Variants in FHOD3 observed in about 807,000 individuals in gnomAD.
FHOD3 encodes the protein formin homology 2 domain containing 3.
In FHOD3, 90 loss-of-function variants were observed where a neutral mutation model predicts 173.0. The ratio of observed to expected loss-of-function variants is 0.52; its 90% CI spans 0.44 to 0.62. The LOEUF (loss-of-function observed/expected upper bound fraction) is 0.62. FHOD3 is among the 20% of genes least tolerant of loss of function. The probability of loss-of-function intolerance (pLI) is 0.00; values close to 1 mark genes in which losing one functional copy is unlikely to be tolerated. For missense variants in FHOD3, 1,945 were observed against 2,034.7 expected (o/e 0.96, Z 0.85); for synonymous variants, 828 against 823.0 (o/e 1.01, Z -0.10).
chr18:36,576,623 C>A (rs1030422807), intron 6 of FHOD3, 78 bp downstream of exon 6: 8 of 1,138,452 alleles, frequency 7.0e-6, no homozygotes, highest in African/African-American at 1.6e-5. Context: ...GTCAGTTTTG[C>A]AGAAAGAAAT....
At chr18:36,638,258 C>T (rs1568531799) in intron 10 of FHOD3, among the ~76,000 whole-genome samples, 1 of 152,266 alleles carries the variant, frequency 6.6e-6, no homozygotes, top group South Asian at 2.1e-4. Context: ...GCTCCCCAGG[C>T]CAAGGGCATG....
chr18:36,420,131 C>T (rs2049912256), intron 3 of FHOD3, among the ~76,000 whole-genome samples: 1 of 152,214 alleles, frequency 6.6e-6, no homozygotes, highest in South Asian at 2.1e-4. Flanking sequence ...GTGCCCTGGG[C>T]ATTCCTTACA....
At chr18:36,744,276 C>T (rs2042045879) in intron 23 of FHOD3, 83 bp downstream of exon 23, 7 of 1,447,538 alleles carry the variant, frequency 4.8e-6, no homozygotes, top group Admixed American at 2.2e-5. Context: ...GAACACGAGC[C>T]CTATTAAGTA....
chr18:36,697,797 A>G (rs2039371242), intron 17 of FHOD3, among the ~76,000 whole-genome samples: 1 of 152,220 alleles, frequency 6.6e-6, no homozygotes, highest in African/African-American at 2.4e-5. Context: ...AAATTTAGAC[A>G]TAGAGTATCA....
At chr18:36,316,878 C>G (rs1213925648) in intron 1 of FHOD3, among the ~76,000 whole-genome samples, 3 of 152,108 alleles carry the variant, frequency 2.0e-5, no homozygotes, top group Non-Finnish European at 2.9e-5. Flanking sequence ...CCACAGCCCC[C>G]CCACCCCCTG....
At chr18:36,705,421 C>A (rs563303242) in intron 17 of FHOD3, among the ~76,000 whole-genome samples, 4 of 152,192 alleles carry the variant, frequency 2.6e-5, no homozygotes, top group Non-Finnish European at 4.4e-5. Context: ...ACGTTCCAGG[C>A]CTTGCCAAAG....
Position 36,618,309 on chromosome 18 carries a change from TG to T in FHOD3, c.957+6216del, listed in dbSNP as rs1462278557. Among the ~76,000 whole-genome samples, 203 of 110,682 alleles carry T rather than the reference TG, an allele frequency of 1.8e-3. 3 individuals carry two copies. Among genetic ancestry groups the T allele is most frequent in the African/African-American group, 6.4e-3 (183 of 28,598 alleles). 72.6% of individuals were successfully genotyped at this position (110,682 alleles called of 152,430 possible). A position where few individuals can be genotyped will look rare whatever the true frequency, so the allele number is the denominator to read the frequency against. On this transcript the variant is annotated intron_variant, in intron 9 of 28. Transcript: ENST00000590592. ...TCCATTTGGTAATGATGTTTTTTGGTGGTTTTTTTTTTTTTTTTTTTTTTGA... is the reference window on the plus strand; with the variant it reads ...TCCATTTGGTAATGATGTTTTTTGGTGTTTTTTTTTTTTTTTTTTTTTTGA...
chr18:36,689,003 A>C (rs188451784), intron 16 of FHOD3, among the ~76,000 whole-genome samples: 54 of 152,274 alleles, frequency 3.5e-4, no homozygotes, highest in Middle Eastern at 3.4e-3. Flanking sequence ...CCCCAGGCCC[A>C]CTGTGGGATT....
chr18:36,409,953 G>A (rs17673476), intron 3 of FHOD3, among the ~76,000 whole-genome samples: 2 of 152,108 alleles, frequency 1.3e-5, no homozygotes, highest in African/African-American at 4.8e-5. Flanking sequence ...GGCGTTGCCC[G>A]GGTGTCCCAT....
At chr18:36,595,093 A>T (rs2030099923) in intron 7 of FHOD3, among the ~76,000 whole-genome samples, 195 bp downstream of exon 7, 1 of 152,132 alleles carries the variant, frequency 6.6e-6, no homozygotes, top group African/African-American at 2.4e-5. Flanking sequence ...TAATGAAAGA[A>T]AAGTGCTCAT....
At chr18:36,552,645 C>T (rs1218308590) in intron 5 of FHOD3, among the ~76,000 whole-genome samples, 2 of 151,986 alleles carry the variant, frequency 1.3e-5, no homozygotes, top group Non-Finnish European at 2.9e-5. Context: ...ACTACAGGTG[C>T]CTGCCACCAC....
intron 28 of FHOD3, 86 bp from the exon 29 acceptor site, chr18:36,779,362 A>T (rs2043934927): frequency 3.4e-6 from 4 of 1,179,896 alleles, no homozygotes; most frequent in African/African-American, 1.5e-5. Context: ...AGAAGGGGGG[A>T]CTGGAGTCTT....
At chr18:36,717,799 C>T (rs1299999764) in intron 18 of FHOD3, 33 bp from the exon 19 acceptor site, 1 of 1,527,470 alleles carries the variant, frequency 6.5e-7, no homozygotes, top group Non-Finnish European at 8.8e-7. Flanking sequence ...CCCCCTTGCC[C>T]CTTTCTCATT....
rs1324028110 is a variant in FHOD3 at position 36,562,178 on chromosome 18, G to A, written c.512-14273G>A. On this transcript the variant is annotated intron_variant, in intron 5 of 28. Transcript: ENST00000590592. Reference sequence around the variant, plus strand: ...ATTACAGGCACCCACCATCACTCCCGGCTAATTTTTGTACTGTTGGTAGAG... The same window carrying A: ...ATTACAGGCACCCACCATCACTCCCAGCTAATTTTTGTACTGTTGGTAGAG... 3.9e-5 allele frequency among the ~76,000 whole-genome samples: 6 copies of A among 151,960 alleles called. 1 individual carries two copies. The highest frequency in any genetic ancestry group is 4.1e-4 in the South Asian group (2 of 4,826).
rs2040596460 is a variant in FHOD3 at position 36,718,668 on chromosome 18, C to T, written c.3370C>T (p.Leu1124=). 1.9e-6 allele frequency: 3 copies of T among 1,614,178 alleles called. No homozygotes were observed. The highest frequency in any genetic ancestry group is 2.5e-6 in the Non-Finnish European group (3 of 1,180,030). ...ACCCATTAAGGTGGACACTTCCAGACTGGAGCACCTGTTTGAGTCTAAATC... is the reference window on the plus strand; with the variant it reads ...ACCCATTAAGGTGGACACTTCCAGATTGGAGCACCTGTTTGAGTCTAAATC... ...LEPIKVDTSR[L]EHLFESKSKE... The change falls in exon 19 of 29, where the codon CTG becomes TTG. Residue 1124 remains leucine (L), a synonymous_variant. Transcript: ENST00000590592.
At chr18:36,559,513 C>T (rs2058016029) in intron 5 of FHOD3, among the ~76,000 whole-genome samples, 1 of 152,186 alleles carries the variant, frequency 6.6e-6, no homozygotes, top group Non-Finnish European at 1.5e-5. Context: ...CTACAGCCCC[C>T]ACCAATACTA....
At chr18:36,642,582 C>CA (rs35920197) in intron 10 of FHOD3, among the ~76,000 whole-genome samples, 3,091 of 60,632 alleles carry the variant, frequency 0.051, 101 homozygotes, top group East Asian at 0.11. Flanking sequence ...GACTCCGTCT[C>CA]AAAAAAAAAA....
chr18:36,685,706 C>A (rs2038565308), intron 15 of FHOD3, among the ~76,000 whole-genome samples: 1 of 152,040 alleles, frequency 6.6e-6, no homozygotes, highest in Non-Finnish European at 1.5e-5. Flanking sequence ...TATCAGTACA[C>A]CAAGAAATAG....
intron 2 of FHOD3, among the ~76,000 whole-genome samples, chr18:36,360,546 A>G (rs1177839687): frequency 2.0e-5 from 3 of 152,032 alleles, no homozygotes; most frequent in African/African-American, 7.2e-5. Context: ...AAAGGTTAAG[A>G]AGGGCCATGC....
Sources: gnomAD v4.1 joint callset for allele counts (sites outside exome capture counted in the v4.1 genomes callset) on GRCh38, gnomAD v4.1.1 for gene constraint, MANE v1.5 for transcripts, NCBI Gene and HGNC (gene_info 2026-07-23, HGNC 2026-07-21) for gene names.